HERC1: variants seen among roughly 807,000 people sequenced by gnomAD.
HERC1 encodes the protein probable E3 ubiquitin-protein ligase HERC1.
In HERC1, 160 loss-of-function variants were observed where a neutral mutation model predicts 554.3. The observed-to-expected ratio is 0.29, with a 90% CI of 0.25 to 0.33. HERC1 has a LOEUF of 0.33. Ranked by LOEUF, HERC1 falls within the 10% of genes least tolerant of loss-of-function variation. The pLI, the probability that HERC1 is intolerant of heterozygous loss-of-function variation, is 1.00. For missense variants in HERC1, 4,919 were observed against 5,918.5 expected, an observed-to-expected ratio of 0.83 and a Z score of 5.54; for synonymous variants, 2,175 against 2,131.7, an observed-to-expected ratio of 1.02 and a Z score of -0.56.
intron 24 of HERC1, among the ~76,000 whole-genome samples, chr15:63,707,928 CAAAAAAAAAA>C (rs71131176): frequency 0.065 from 3,634 of 55,600 alleles, 200 homozygotes; most frequent in African/African-American, 0.21. Context: ...GACTCCCTCT[CAAAAAAAAAA>C]AAAAAAAAAA....
At chr15:63,741,180 C>G (rs527284067) in intron 12 of HERC1, among the ~76,000 whole-genome samples, 13 of 151,974 alleles carry the variant, frequency 8.6e-5, no homozygotes, top group Non-Finnish European at 1.8e-4. Flanking sequence ...AGGCGTGCAC[C>G]TCCACACCTG....
chr15:63,773,012 C>T (rs192817064), intron 2 of HERC1, among the ~76,000 whole-genome samples: 4 of 152,276 alleles, frequency 2.6e-5, no homozygotes, highest in Admixed American at 2.6e-4. Context: ...TGAGACACTC[C>T]TGTCCAAAAG....
intron 1 of HERC1, among the ~76,000 whole-genome samples, chr15:63,793,568 G>A (rs1161655998): frequency 6.6e-6 from 1 of 152,138 alleles, no homozygotes; most frequent in East Asian, 1.9e-4. Context: ...ATATAATCAA[G>A]AAATAACTAT....
Position 63,617,185 on chromosome 15 carries a change from A to G in HERC1, c.13689-503T>C, listed in dbSNP as rs61426575. Among the ~76,000 whole-genome samples, 1,395 of 152,066 alleles carry G rather than the reference A, an allele frequency of 9.2e-3. 18 individuals carry two copies. The highest frequency in any genetic ancestry group is 0.032 in the African/African-American group (1,330 of 41,454). On this transcript the variant is annotated intron_variant, in intron 74 of 77. Coordinates refer to ENST00000443617, the MANE Select transcript of HERC1 (RefSeq NM_003922.4). ...CTCCCCTCACCCCACAACAGGCCCC[A>G]GTGTGTGATGTTCCCCTTCCTGTGT... is the stretch of plus-strand genomic sequence containing the variant.
chr15:63,777,846 A>G (rs2076159049), intron 1 of HERC1, among the ~76,000 whole-genome samples: 1 of 152,166 alleles, frequency 6.6e-6, no homozygotes, highest in African/African-American at 2.4e-5. Context: ...TTTTTTTAAA[A>G]ACCTGAGTCT....
Position 63,737,535 on chromosome 15 carries a change from A to G in HERC1, c.2521-2686T>C, listed in dbSNP as rs1373315255. Among the ~76,000 whole-genome samples the G allele has an allele frequency of 3.3e-5, 4 of 120,018 alleles. 2 individuals are homozygous for G. Among genetic ancestry groups the G allele is most frequent in the Non-Finnish European group, 6.8e-5 (4 of 58,548 alleles). 78.7% of individuals were successfully genotyped at this position (120,018 alleles called of 152,430 possible). On this transcript the variant is annotated intron_variant, in intron 12 of 77. Coordinates refer to ENST00000443617, the MANE Select transcript of HERC1 (RefSeq NM_003922.4). Reference sequence around the variant, plus strand: ...TTTCCAGATATATATATATATATATATATATATATATATCTTTTTTTTTTT... The same window carrying G: ...TTTCCAGATATATATATATATATATGTATATATATATATCTTTTTTTTTTT...
intron 1 of HERC1, among the ~76,000 whole-genome samples, chr15:63,789,682 C>G (rs1181107568): frequency 6.6e-6 from 1 of 151,572 alleles, no homozygotes; most frequent in Non-Finnish European, 1.5e-5. Flanking sequence ...CCTGTAATCC[C>G]AGGTATTTGG....
intron 21 of HERC1, among the ~76,000 whole-genome samples, chr15:63,716,677 C>T (rs2073569876): frequency 6.6e-6 from 1 of 152,082 alleles, no homozygotes; most frequent in African/African-American, 2.4e-5. Context: ...CACATATATG[C>T]TCTTCCTTCC....
intron 76 of HERC1, among the ~76,000 whole-genome samples, chr15:63,614,582 G>A: frequency 6.6e-6 from 1 of 152,204 alleles, no homozygotes; most frequent in East Asian, 1.9e-4. Flanking sequence ...GGAGTGAGGG[G>A]TATGGAGTAT....
intron 1 of HERC1, among the ~76,000 whole-genome samples, chr15:63,786,055 A>G (rs2076430800): frequency 6.6e-6 from 1 of 151,992 alleles, no homozygotes; most frequent in South Asian, 2.1e-4. Flanking sequence ...AGCTAACAAA[A>G]TTAAGAAAAA....
Position 63,718,478 on chromosome 15 carries a change from A to G in HERC1, c.3978+96T>C. 8.0e-7 allele frequency: 1 copy of G among 1,250,334 alleles called. No individual in the cohort carries two copies. Among genetic ancestry groups the G allele is most frequent in the Non-Finnish European group, 1.1e-6 (1 of 918,682 alleles). 77.5% of individuals were successfully genotyped at this position (1,250,334 alleles called of 1,614,324 possible). ...ACTCAACATGTATTGAACATATGCA[A>G]TAACCAAGGCACATTTTTTTCTCAC... On this transcript the variant is annotated intron_variant, in intron 21 of 77. Transcript: ENST00000443617. The surrounding 1 kb of genome is among the most constrained non-coding windows in gnomAD (Gnocchi z 4.2).
At chr15:63,794,424 T>C (rs1163573061) in intron 1 of HERC1, among the ~76,000 whole-genome samples, 1 of 152,160 alleles carries the variant, frequency 6.6e-6, no homozygotes, top group Non-Finnish European at 1.5e-5. Flanking sequence ...AGTGATCAAC[T>C]CAATCTTTGG....
chr15:63,636,457 G>T (rs1386458682), intron 64 of HERC1, among the ~76,000 whole-genome samples: 1 of 151,904 alleles, frequency 6.6e-6, no homozygotes, highest in Non-Finnish European at 1.5e-5. Context: ...TTTTAACAGA[G>T]ACAGGGTTTT....
At chr15:63,765,715 C>CTT (rs1490787089) in intron 2 of HERC1, among the ~76,000 whole-genome samples, 1 of 152,080 alleles carries the variant, frequency 6.6e-6, no homozygotes, top group African/African-American at 2.4e-5. Flanking sequence ...TCAGATCAAA[C>CTT]CAATAAGATC....
intron 2 of HERC1, 140 bp from the exon 3 acceptor site, chr15:63,764,331 T>G (rs1401664046): frequency 1.6e-6 from 1 of 611,808 alleles, no homozygotes; most frequent in Admixed American, 2.7e-5. Context: ...ATCCTAACAT[T>G]AGGTCATGAA....
chr15:63,746,112 GA>G (rs1356715756), intron 12 of HERC1, among the ~76,000 whole-genome samples: 1 of 151,808 alleles, frequency 6.6e-6, no homozygotes, highest in African/African-American at 2.4e-5. Flanking sequence ...TCTTAAGGTA[GA>G]AGGTTAAATT....
Position 63,634,897 on chromosome 15 carries a change from G to C in HERC1, c.12415-9C>G. 6.4e-7 allele frequency: 1 copy of C among 1,561,316 alleles called. No individual in the cohort carries two copies. On this transcript the variant is annotated splice_polypyrimidine_tract_variant and intron_variant, in intron 65 of 77. Coordinates refer to ENST00000443617, the MANE Select transcript of HERC1 (RefSeq NM_003922.4). ...TTGAAGCCACAAGACATCTAAGACA[G>C]AACCAAGGAGAAAGAAAATTTTTAA...
chr15:63,793,131 G>A (rs2076703629), intron 1 of HERC1, among the ~76,000 whole-genome samples: 1 of 152,250 alleles, frequency 6.6e-6, no homozygotes, highest in Non-Finnish European at 1.5e-5. Context: ...GGAACTGCCA[G>A]AGGCGTCTGA....
intron 1 of HERC1, among the ~76,000 whole-genome samples, chr15:63,785,089 CAAAT>C (rs1459803275): frequency 6.6e-6 from 1 of 152,088 alleles, no homozygotes. Flanking sequence ...AAAGTTGACT[CAAAT>C]AAATATATAA....
Sources: allele counts gnomAD v4.1 joint callset (sites outside exome capture counted in the v4.1 genomes callset), GRCh38; gene constraint gnomAD v4.1.1; non-coding constraint Gnocchi (gnomAD v3.1); transcripts MANE v1.5; gene names NCBI Gene and HGNC (gene_info 2026-07-23, HGNC 2026-07-21).